Variants in PTPRD observed in about 807,000 individuals in gnomAD.
PTPRD encodes the protein receptor-type tyrosine-protein phosphatase delta.
In PTPRD, 34 loss-of-function variants were observed where a neutral mutation model predicts 214.5. That is an observed-to-expected ratio of 0.16 (90% CI 0.12 to 0.21). PTPRD has a LOEUF of 0.21. Among genes scored for constraint, PTPRD ranks in the 10% least tolerant of loss-of-function variants. The pLI is 1.00. For missense variants in PTPRD, 2,545 were observed against 2,398.7 expected (o/e 1.06, Z -1.27); for synonymous variants, 1,128 against 845.7 (o/e 1.33, Z -5.79).
chr9:10,364,606 T>C (rs1234786200), intron 2 of PTPRD, among the ~76,000 whole-genome samples: 1 of 149,350 alleles, frequency 6.7e-6, no homozygotes, highest in Non-Finnish European at 1.5e-5. Context: ...TCCAACTATA[T>C]CTTTAACCTC....
intron 3 of PTPRD, among the ~76,000 whole-genome samples, chr9:10,236,339 C>T (rs1332404795): frequency 1.3e-5 from 2 of 151,824 alleles, no homozygotes. Context: ...AAGATTCTGG[C>T]GTACTAAGAA....
At chr9:10,547,099 A>G (rs567087081) in intron 2 of PTPRD, among the ~76,000 whole-genome samples, 1 of 152,040 alleles carries the variant, frequency 6.6e-6, no homozygotes, top group Non-Finnish European at 1.5e-5. Context: ...TAACAAATAA[A>G]CTTTCTTATT....
chr9:10,315,095 A>G (rs1191781480), intron 3 of PTPRD, among the ~76,000 whole-genome samples: 1 of 152,008 alleles, frequency 6.6e-6, no homozygotes, highest in South Asian at 2.1e-4. Context: ...AAATGTATGC[A>G]CATGTAGTTC....
At chr9:9,011,673 A>G (rs1304863344) in intron 11 of PTPRD, among the ~76,000 whole-genome samples, 2 of 152,164 alleles carry the variant, frequency 1.3e-5, no homozygotes, top group Non-Finnish European at 1.5e-5. Flanking sequence ...TAGTATAATG[A>G]TAACTCTACA....
At chr9:9,690,523 G>A (rs1379371849) in intron 7 of PTPRD, among the ~76,000 whole-genome samples, 1 of 151,716 alleles carries the variant, frequency 6.6e-6, no homozygotes, top group African/African-American at 2.4e-5. Flanking sequence ...GTGCTTTTGA[G>A]GTCTTATCCC....
chr9:10,415,358 T>C (rs114318438), intron 2 of PTPRD, among the ~76,000 whole-genome samples: 2,690 of 151,948 alleles, frequency 0.018, 73 homozygotes, highest in African/African-American at 0.061. Flanking sequence ...GTAAAATTTT[T>C]GGTAATGTCC....
intron 35 of PTPRD, among the ~76,000 whole-genome samples, chr9:8,407,550 T>C (rs2130797157): frequency 6.6e-6 from 1 of 152,294 alleles, no homozygotes; most frequent in Middle Eastern, 3.4e-3. Context: ...AGAATGCCAC[T>C]GCAAAAGGAA....
chr9:10,214,630 T>C (rs1056162332), intron 3 of PTPRD, among the ~76,000 whole-genome samples: 3 of 151,938 alleles, frequency 2.0e-5, no homozygotes, highest in Admixed American at 2.0e-4. Context: ...TGGCTGTAGG[T>C]GTTGCTGTAT....
Position 9,403,269 on chromosome 9 carries a change from C to T in PTPRD, c.-236-5787G>A, listed in dbSNP as rs142717239. Among the ~76,000 whole-genome samples the T allele has an allele frequency of 9.0e-3, 930 of 103,018 alleles. 21 individuals carry two copies. The highest frequency in any genetic ancestry group is 0.076 in the East Asian group (270 of 3,574). 67.6% of individuals were successfully genotyped at this position (103,018 alleles called of 152,430 possible). On this transcript the variant is annotated intron_variant, in intron 8 of 45. Transcript: ENST00000381196. ...TTGTGCCACTATACTCCAGTCTAGG[C>T]GACAGAGGAATACTCTGTCTCAAAA...
intron 2 of PTPRD, among the ~76,000 whole-genome samples, chr9:10,506,099 G>A (rs900405950): frequency 6.6e-6 from 1 of 152,028 alleles, no homozygotes; most frequent in African/African-American, 2.4e-5. Context: ...AAGTGGCAAT[G>A]TTTTTCTAAT....
At chr9:10,529,634 G>T (rs746506135) in intron 2 of PTPRD, among the ~76,000 whole-genome samples, 1 of 151,590 alleles carries the variant, frequency 6.6e-6, no homozygotes, top group Non-Finnish European at 1.5e-5. Context: ...GGCTTGATGG[G>T]TGCAGCAAAC....
In PTPRD at chr9:8,373,315, A is replaced by G. The variant is rs73414471; in HGVS notation, c.4661+2621T>C. On this transcript the variant is annotated intron_variant, in intron 39 of 45. Transcript: ENST00000381196. ...ATGTTGACATGACCCTCCTAAATAA[A>G]GAGGCCAAAACTTCTTACCAGACAT... 7.3e-3 allele frequency among the ~76,000 whole-genome samples: 1,110 copies of G among 152,140 alleles called. 22 individuals carry two copies. Among genetic ancestry groups the G allele is most frequent in the African/African-American group, 0.025 (1,038 of 41,532 alleles).
chr9:10,014,288 G>T (rs1371242277), intron 4 of PTPRD, among the ~76,000 whole-genome samples: 2 of 151,968 alleles, frequency 1.3e-5, no homozygotes, highest in Non-Finnish European at 2.9e-5. Context: ...AATTTGAGCT[G>T]CAATTCCCAT....
At chr9:9,345,215 C>A (rs1442107451) in intron 9 of PTPRD, among the ~76,000 whole-genome samples, 1 of 152,110 alleles carries the variant, frequency 6.6e-6, no homozygotes, top group African/African-American at 2.4e-5. Context: ...CTGATAATTA[C>A]TTGCACTTAG....
chr9:8,535,823 T>C (rs936498835), intron 14 of PTPRD, among the ~76,000 whole-genome samples: 2 of 151,946 alleles, frequency 1.3e-5, no homozygotes, highest in Non-Finnish European at 2.9e-5. Context: ...ATAAACTAGT[T>C]CTAATAGCTC....
intron 5 of PTPRD, among the ~76,000 whole-genome samples, chr9:9,933,482 G>A (rs1214161968): frequency 5.9e-5 from 9 of 151,798 alleles, no homozygotes; most frequent in African/African-American, 2.2e-4. Context: ...AGACAAAGAA[G>A]GCCATTACAT....
chr9:9,556,131 T>C lies in PTPRD; in HGVS notation c.-237+18601A>G, dbSNP rs553042096. Among the ~76,000 whole-genome samples the C allele has an allele frequency of 1.1e-4, 17 of 152,242 alleles. No homozygotes were observed. The East Asian group carries it at 3.3e-3, about 29-fold the overall frequency. ...TGATAACATAGTCAATTAATACATA[T>C]TTTGTATGTTATATGTATTATATAT... On this transcript the variant is annotated intron_variant, in intron 8 of 45. Transcript: ENST00000381196.
intron 11 of PTPRD, among the ~76,000 whole-genome samples, chr9:8,812,913 T>C (rs965649734): frequency 6.6e-6 from 1 of 151,692 alleles, no homozygotes; most frequent in Non-Finnish European, 1.5e-5. Context: ...ATCTAATCTC[T>C]CCTGATGGAG....
intron 8 of PTPRD, among the ~76,000 whole-genome samples, chr9:9,549,513 C>T (rs745935680): frequency 6.6e-6 from 1 of 152,136 alleles, no homozygotes; most frequent in African/African-American, 2.4e-5. Flanking sequence ...GTCAACAAGA[C>T]TGATCTCATT....
Sources: gnomAD v4.1 joint callset for allele counts (sites outside exome capture counted in the v4.1 genomes callset) on GRCh38, gnomAD v4.1.1 for gene constraint, MANE v1.5 for transcripts, NCBI Gene and HGNC (gene_info 2026-07-23, HGNC 2026-07-21) for gene names.